Variants in ARMC2 observed in about 807,000 individuals in gnomAD.
ARMC2 encodes armadillo repeat containing 2, also known as armadillo repeat-containing protein 2.
ARMC2 carries 67 observed loss-of-function variants against 90.3 expected under a neutral mutation model. The ratio of observed to expected loss-of-function variants is 0.74; its 90% confidence interval spans 0.61 to 0.91. ARMC2 has a LOEUF of 0.91. Ranked by LOEUF, ARMC2 falls within the 40% of genes least tolerant of loss-of-function variation. The pLI, the probability that ARMC2 is intolerant of heterozygous loss-of-function variation, is 0.00. For synonymous variants in ARMC2, 393 were observed against 393.0 expected, an observed-to-expected ratio of 1.00 and a Z score of 0.00; for missense variants, 920 against 1,030.9, an observed-to-expected ratio of 0.89 and a Z score of 1.47.
At chr6:109,050,759 T>C in the ARMC2 span, among the ~76,000 whole-genome samples, 3 of 152,150 alleles carry the variant, frequency 2.0e-5, no homozygotes, top group African/African-American at 7.2e-5. Flanking sequence ...CTATCTTCTT[T>C]TAGTAATCAT....
chr6:108,868,795 TC>T (rs768397124), intron 3 of ARMC2, 28 bp from the exon 4 acceptor site: 47 of 1,608,402 alleles, frequency 2.9e-5, no homozygotes, highest in Non-Finnish European at 3.9e-5. Flanking sequence ...AGAAAGTCAT[TC>T]CAGTTATTTA....
the ARMC2 span, chr6:109,009,549 G>A: frequency 6.4e-5 from 64 of 994,890 alleles, 1 homozygote; most frequent in East Asian, 2.3e-3. Context: ...CAGTCAGCAC[G>A]GACGGCGGGG....
the ARMC2 span, among the ~76,000 whole-genome samples, chr6:108,980,797 T>C: frequency 3.3e-5 from 5 of 152,282 alleles, no homozygotes; most frequent in African/African-American, 9.6e-5. Flanking sequence ...CTTTGTTTCA[T>C]GAAAATCTCT....
chr6:109,024,395 G>T, the ARMC2 span, among the ~76,000 whole-genome samples: 1 of 152,108 alleles, frequency 6.6e-6, no homozygotes, highest in African/African-American at 2.4e-5. Context: ...TAAGAACTTG[G>T]ATAGCACAGT....
At chr6:109,002,599 G>A in the ARMC2 span, among the ~76,000 whole-genome samples, 1 of 152,150 alleles carries the variant, frequency 6.6e-6, no homozygotes, top group South Asian at 2.1e-4. Flanking sequence ...TTGGCAGAAA[G>A]TCTAGAACAG....
At position 108,899,741 on chromosome 6, in the gene ARMC2, GA is replaced by G. The variant is rs1360090704; in HGVS notation, c.798del (p.Val267SerfsTer14). 6.2e-7 allele frequency: 1 copy of G among 1,613,522 alleles called. No individual in the cohort carries two copies. Among genetic ancestry groups the G allele is most frequent in the Non-Finnish European group, 8.5e-7 (1 of 1,179,792 alleles). ...AGAGGACGCAGAAATAGAAGTAGAC[GA>G]AGTCTTTTGGAATACAAGGATTGTA... ...QEEDAEIEVD[E>X]VFWNTRIVPI... On this transcript the variant is annotated frameshift_variant, in exon 7 of 18. Coordinates refer to ENST00000392644, the MANE Select transcript of ARMC2 (RefSeq NM_032131.6). LOFTEE classifies it high-confidence loss of function.
chr6:108,976,297 C>G (rs1314033957), downstream of ARMC2, among the ~76,000 whole-genome samples: 1 of 152,128 alleles, frequency 6.6e-6, no homozygotes, highest in Non-Finnish European at 1.5e-5. Context: ...TCAGGTTTGT[C>G]AAGGATCAGA....
chr6:108,979,994 A>C, the ARMC2 span, among the ~76,000 whole-genome samples: 3 of 151,816 alleles, frequency 2.0e-5, no homozygotes, highest in Admixed American at 6.6e-5. Flanking sequence ...TATTTCTGTC[A>C]ATTTGTCAAA....
At chr6:109,035,470 C>T in the ARMC2 span, among the ~76,000 whole-genome samples, 2 of 151,640 alleles carry the variant, frequency 1.3e-5, no homozygotes, top group South Asian at 2.1e-4. Context: ...TAGGAAGAAC[C>T]TTAGTACTGG....
chr6:108,849,179 T>G (rs1414133459), intron 1 of ARMC2, among the ~76,000 whole-genome samples: 2 of 152,206 alleles, frequency 1.3e-5, no homozygotes, highest in Non-Finnish European at 2.9e-5. Context: ...CATAATGCCT[T>G]TTGTGATCCA....
chr6:108,938,415 ATTTTT>A (rs34837816), intron 12 of ARMC2, among the ~76,000 whole-genome samples: 1 of 141,486 alleles, frequency 7.1e-6, no homozygotes, highest in Non-Finnish European at 1.5e-5. Flanking sequence ...CACCTGGCTA[ATTTTT>A]TTTTTTTTTT....
the ARMC2 span, among the ~76,000 whole-genome samples, chr6:109,012,088 T>C: frequency 6.6e-6 from 1 of 152,200 alleles, no homozygotes; most frequent in Non-Finnish European, 1.5e-5. Flanking sequence ...GCTGAGCACA[T>C]ACAGGCATGC....
chr6:109,007,181 A>T, the ARMC2 span, among the ~76,000 whole-genome samples: 1 of 152,194 alleles, frequency 6.6e-6, no homozygotes, highest in Admixed American at 6.5e-5. Flanking sequence ...TAATTTTCAG[A>T]GTGAAAATTC....
At chr6:109,027,933 G>A in the ARMC2 span, among the ~76,000 whole-genome samples, 1 of 151,906 alleles carries the variant, frequency 6.6e-6, no homozygotes, top group Non-Finnish European at 1.5e-5. Context: ...TTATTTTCTT[G>A]TGCTGTGTTC....
the ARMC2 span, chr6:108,998,814 G>A: frequency 6.7e-7 from 1 of 1,492,212 alleles, no homozygotes; most frequent in East Asian, 2.3e-5. Context: ...AAAGTATACA[G>A]TTCATTTTAG....
the ARMC2 span, among the ~76,000 whole-genome samples, chr6:108,984,407 A>G: frequency 6.6e-6 from 1 of 152,178 alleles, no homozygotes; most frequent in Non-Finnish European, 1.5e-5. Flanking sequence ...TTCCTCACAG[A>G]TGGCACACTC....
At chr6:108,962,869 G>T (rs1386814646) in intron 15 of ARMC2, among the ~76,000 whole-genome samples, 1 of 152,050 alleles carries the variant, frequency 6.6e-6, no homozygotes, top group Non-Finnish European at 1.5e-5. Context: ...CAGACGTGGT[G>T]GTGGCACAAG....
chr6:109,002,929 ATTAAG>A, the ARMC2 span, among the ~76,000 whole-genome samples: 1 of 152,132 alleles, frequency 6.6e-6, no homozygotes, highest in Non-Finnish European at 1.5e-5. Context: ...TTTGCCTTAA[ATTAAG>A]TTTTTTTTTA....
intron 8 of ARMC2, 94 bp downstream of exon 8, chr6:108,904,499 G>C: frequency 8.3e-7 from 1 of 1,205,294 alleles, no homozygotes; most frequent in Non-Finnish European, 1.1e-6. Context: ...TATTAGAAAT[G>C]CAGTGTATTT....
Sources: gnomAD v4.1 joint callset for allele counts (sites outside exome capture counted in the v4.1 genomes callset) on GRCh38, gnomAD v4.1.1 for gene constraint, MANE v1.5 for transcripts, NCBI Gene and HGNC (gene_info 2026-07-23, HGNC 2026-07-21) for gene names.